The following MALRD1 variants were observed in gnomAD, a reference collection of about 807,000 sequenced individuals.
MALRD1 encodes MAM and LDL receptor class A domain containing 1.
In MALRD1, 247 loss-of-function variants were observed where a neutral mutation model predicts 242.1. The ratio of observed to expected loss-of-function variants is 1.02; its 90% confidence interval spans 0.92 to 1.13. The LOEUF is 1.13. Among genes scored for constraint, MALRD1 ranks in the 50% most tolerant of loss-of-function variants. MALRD1 has a pLI of 0.00. For synonymous variants in MALRD1, 995 were observed against 866.6 expected (o/e 1.15, Z -2.60); for missense variants, 2,989 against 2,533.1 (o/e 1.18, Z -3.86).
At chr10:19,718,735 CTAT>C (rs1244660495) in intron 38 of MALRD1, among the ~76,000 whole-genome samples, 1 of 152,164 alleles carries the variant, frequency 6.6e-6, no homozygotes, top group Non-Finnish European at 1.5e-5. Context: ...AACCATTCTC[CTAT>C]TATTAGACAT....
rs72342784 is a variant in MALRD1, at chr10:19,268,247, G to GA, written c.3079+10486dup. Among the ~76,000 whole-genome samples the GA allele has an allele frequency of 4.9e-3, 722 of 147,580 alleles. 5 individuals carry two copies. Among genetic ancestry groups the GA allele is most frequent in the East Asian group, 0.014 (69 of 5,082 alleles). On this transcript the variant is annotated intron_variant, in intron 19 of 39. Coordinates refer to ENST00000454679, the MANE Select transcript of MALRD1 (RefSeq NM_001142308.3). ...AATTGCTGATTGGCTACCAGAGACA[G>GA]AAAAAAAAAAGCACTGCATAGTTTG...
chr10:19,643,420 T>C (rs1352867080), intron 36 of MALRD1, among the ~76,000 whole-genome samples: 1 of 152,160 alleles, frequency 6.6e-6, no homozygotes, highest in Non-Finnish European at 1.5e-5. Context: ...CACTTCAGTG[T>C]GGGCAACAAG....
At chr10:19,105,005 AT>A (rs1332995521) in intron 5 of MALRD1, among the ~76,000 whole-genome samples, 1 of 152,068 alleles carries the variant, frequency 6.6e-6, no homozygotes. Flanking sequence ...TATTCCAAAA[AT>A]TTATCTTCTC....
chr10:19,177,374 TACC>T (rs1377306467), intron 14 of MALRD1, among the ~76,000 whole-genome samples: 1 of 151,976 alleles, frequency 6.6e-6, no homozygotes, highest in East Asian at 1.9e-4. Flanking sequence ...CTTAATTAAA[TACC>T]ACATCACCGG....
chr10:19,236,342 G>A (rs913308216), intron 18 of MALRD1, among the ~76,000 whole-genome samples: 1 of 152,134 alleles, frequency 6.6e-6, no homozygotes, highest in Non-Finnish European at 1.5e-5. Flanking sequence ...TAAGCAGGTG[G>A]GATGCTCATG....
intron 18 of MALRD1, among the ~76,000 whole-genome samples, chr10:19,249,357 T>C (rs1056356665): frequency 2.0e-5 from 3 of 151,610 alleles, no homozygotes; most frequent in African/African-American, 4.8e-5. Flanking sequence ...GCAGGATTTG[T>C]CAGCAGTTTA....
At chr10:19,187,641 G>A (rs903499820) in intron 14 of MALRD1, among the ~76,000 whole-genome samples, 1 of 152,074 alleles carries the variant, frequency 6.6e-6, no homozygotes, top group Non-Finnish European at 1.5e-5. Context: ...CTGTGTGTGA[G>A]AGACACTCAG....
At chr10:19,278,280 G>T (rs750116299) in intron 19 of MALRD1, among the ~76,000 whole-genome samples, 1 of 152,096 alleles carries the variant, frequency 6.6e-6, no homozygotes, top group African/African-American at 2.4e-5. Context: ...TTTTCACCTG[G>T]CAAGATGAGC....
intron 28 of MALRD1, among the ~76,000 whole-genome samples, chr10:19,405,406 A>G (rs1847048822): frequency 6.6e-6 from 1 of 152,084 alleles, no homozygotes; most frequent in African/African-American, 2.4e-5. Flanking sequence ...TTTTCCCTGC[A>G]ACTTCCAACA....
chr10:19,113,830 CAG>C (rs1554791178), intron 5 of MALRD1, among the ~76,000 whole-genome samples: 4 of 144,580 alleles, frequency 2.8e-5, no homozygotes, highest in East Asian at 2.0e-4. Flanking sequence ...CACACACACA[CAG>C]ACACACACAC....
intron 32 of MALRD1, among the ~76,000 whole-genome samples, chr10:19,534,538 C>T (rs10764052): frequency 0.37 from 55,787 of 151,936 alleles, 11,769 homozygotes; most frequent in Non-Finnish European, 0.48. Flanking sequence ...ATAATTGATG[C>T]CAAAAGTCCA....
chr10:19,110,456 T>A (rs1836637765), intron 5 of MALRD1, among the ~76,000 whole-genome samples: 1 of 152,196 alleles, frequency 6.6e-6, no homozygotes, highest in South Asian at 2.1e-4. Flanking sequence ...ATAGAGAACT[T>A]TAAGGGACCA....
chr10:19,298,587 A>G (rs1350403690), intron 21 of MALRD1, among the ~76,000 whole-genome samples: 1 of 152,024 alleles, frequency 6.6e-6, no homozygotes, highest in East Asian at 1.9e-4. Context: ...TAACGTCACG[A>G]CTGAACTGTA....
intron 33 of MALRD1, among the ~76,000 whole-genome samples, chr10:19,573,427 A>C (rs16919086): frequency 0.029 from 4,354 of 152,252 alleles, 167 homozygotes; most frequent in African/African-American, 0.091. Flanking sequence ...GACAGCAAGG[A>C]AGTGGTCTCA....
intron 31 of MALRD1, among the ~76,000 whole-genome samples, chr10:19,530,364 T>A (rs1429676853): frequency 9.5e-6 from 1 of 105,154 alleles, no homozygotes; most frequent in Non-Finnish European, 1.7e-5. Context: ...AATATTTATA[T>A]AAATATTTAT....
At chr10:19,731,035 A>C (rs1207930997) in intron 39 of MALRD1, among the ~76,000 whole-genome samples, 2 of 152,336 alleles carry the variant, frequency 1.3e-5, no homozygotes, top group Non-Finnish European at 2.9e-5. Flanking sequence ...TGTTGTGGTC[A>C]CTATTTATAC....
chr10:19,300,418 GC>G (rs1157794475), intron 21 of MALRD1, among the ~76,000 whole-genome samples: 21 of 151,776 alleles, frequency 1.4e-4, no homozygotes, highest in Admixed American at 1.4e-3. Flanking sequence ...GCAATCCTAA[GC>G]AAAAATAAAG....
At chr10:19,261,749 C>T (rs1012816966) in intron 19 of MALRD1, among the ~76,000 whole-genome samples, 3 of 151,672 alleles carry the variant, frequency 2.0e-5, no homozygotes, top group African/African-American at 7.3e-5. Context: ...GATTATTTTA[C>T]TTTTCTTTGG....
rs140676971 is a variant in MALRD1, at chr10:19,489,020, C to A, written c.5030-2497C>A. The A allele has an allele frequency of 1.8e-4, 81 of 456,418 alleles. No individual in the cohort carries two copies. In the East Asian group the frequency reaches 4.2e-3, roughly 24 times the overall value. The allele number at this position is 456,418 out of a possible 1,614,324, so 28.3% of individuals were successfully genotyped here. A position where few individuals can be genotyped will look rare whatever the true frequency, so the allele number is the denominator to read the frequency against. The stretch of plus-strand genomic sequence containing the variant: ...TCTATCCGGTTCTCCCACCATCCCC[C>A]GCCAGGGGTCTCAGCAGCTCGGAGG... On this transcript the variant is annotated intron_variant, in intron 29 of 39. Transcript: ENST00000454679.
Sources: gnomAD v4.1 joint callset for allele counts (sites outside exome capture counted in the v4.1 genomes callset) on GRCh38, gnomAD v4.1.1 for gene constraint, MANE v1.5 for transcripts, NCBI Gene and HGNC (gene_info 2026-07-23, HGNC 2026-07-21) for gene names.